Variants in FBXL7 observed in about 807,000 individuals in gnomAD.
FBXL7 encodes F-box/LRR-repeat protein 7.
A neutral mutation model predicts 38.3 loss-of-function variants in FBXL7; 12 were observed. The ratio of observed to expected loss-of-function variants is 0.31; its 90% CI spans 0.20 to 0.51. The LOEUF is 0.51. Ranked by LOEUF, FBXL7 falls within the 20% of genes least tolerant of loss-of-function variation. The probability of loss-of-function intolerance (pLI) is 0.98; values close to 1 mark genes in which losing one functional copy is unlikely to be tolerated. For missense variants in FBXL7, 567 were observed against 676.4 expected (o/e 0.84, Z 1.79); for synonymous variants, 297 against 300.9 (o/e 0.99, Z 0.13).
intron 1 of FBXL7, among the ~76,000 whole-genome samples, chr5:15,567,799 A>C (rs946560917): frequency 8.3e-5 from 12 of 144,564 alleles, no homozygotes; most frequent in Admixed American, 4.2e-4. Flanking sequence ...TCCTGTGTCC[A>C]TGTGTTCTCA....
intron 2 of FBXL7, among the ~76,000 whole-genome samples, chr5:15,672,958 G>A (rs1167441801): frequency 3.3e-5 from 5 of 151,970 alleles, no homozygotes; most frequent in Admixed American, 1.3e-4. Flanking sequence ...TTATTTGACC[G>A]TTCCACCAGA....
chr5:15,711,744 A>G (rs1743883296), intron 2 of FBXL7, among the ~76,000 whole-genome samples: 4 of 152,190 alleles, frequency 2.6e-5, no homozygotes, highest in Non-Finnish European at 1.5e-5. Flanking sequence ...AAAGATTGAA[A>G]TCCTGAAAGT....
chr5:15,721,135 G>C (rs1200853671), intron 2 of FBXL7, among the ~76,000 whole-genome samples: 3 of 152,114 alleles, frequency 2.0e-5, no homozygotes, highest in East Asian at 1.9e-4. Context: ...AAGGTATAAT[G>C]CTCATTCATA....
At chr5:15,901,812 T>C (rs1429841344) in intron 2 of FBXL7, among the ~76,000 whole-genome samples, 1 of 152,220 alleles carries the variant, frequency 6.6e-6, no homozygotes, top group African/African-American at 2.4e-5. Context: ...AGTTTTAATC[T>C]GGATATGATT....
chr5:15,859,302 A>G (rs1211231496), intron 2 of FBXL7, among the ~76,000 whole-genome samples: 1 of 152,176 alleles, frequency 6.6e-6, no homozygotes, highest in Admixed American at 6.5e-5. Context: ...AGTTGAGATA[A>G]GCATCAGAGA....
chr5:15,591,927 G>A (rs766281196), intron 1 of FBXL7, among the ~76,000 whole-genome samples: 4 of 152,118 alleles, frequency 2.6e-5, no homozygotes, highest in African/African-American at 9.7e-5. Flanking sequence ...GGCCAGGATG[G>A]TCTTGATCTC....
At chr5:15,524,378 A>G (rs1171321391) in intron 1 of FBXL7, among the ~76,000 whole-genome samples, 1 of 152,214 alleles carries the variant, frequency 6.6e-6, no homozygotes, top group Non-Finnish European at 1.5e-5. Flanking sequence ...TGAAGGGCTC[A>G]TTTCTATAAT....
chr5:15,564,378 C>CTGTGTG (rs33993480), intron 1 of FBXL7, among the ~76,000 whole-genome samples: 13,622 of 147,364 alleles, frequency 0.092, 672 homozygotes, highest in South Asian at 0.18. Flanking sequence ...TCAGTAATAT[C>CTGTGTG]TGTGTGTGTG....
At chr5:15,603,856 G>T (rs1295025572) in intron 1 of FBXL7, among the ~76,000 whole-genome samples, 1 of 152,178 alleles carries the variant, frequency 6.6e-6, no homozygotes, top group Non-Finnish European at 1.5e-5. Context: ...GACGTGTGGG[G>T]CCAGGTGTGG....
chr5:15,800,637 A>G (rs184007259), intron 2 of FBXL7, among the ~76,000 whole-genome samples: 9 of 152,340 alleles, frequency 5.9e-5, no homozygotes, highest in South Asian at 2.1e-4. Context: ...TAAAATGACA[A>G]CTCAATAAGG....
intron 1 of FBXL7, among the ~76,000 whole-genome samples, chr5:15,512,004 C>G (rs1181564738): frequency 1.3e-5 from 2 of 152,194 alleles, no homozygotes; most frequent in African/African-American, 4.8e-5. Flanking sequence ...AGCAGGGGCT[C>G]CCTCCTCTGC....
At chr5:15,839,524 T>C (rs576293155) in intron 2 of FBXL7, among the ~76,000 whole-genome samples, 12 of 152,264 alleles carry the variant, frequency 7.9e-5, no homozygotes, top group Non-Finnish European at 1.5e-4. Flanking sequence ...TTTTATTTTA[T>C]TCCAAACTTC....
intron 1 of FBXL7, among the ~76,000 whole-genome samples, chr5:15,512,796 A>G (rs368648863): frequency 1.3e-3 from 197 of 152,294 alleles, no homozygotes; most frequent in Middle Eastern, 6.8e-3. Flanking sequence ...AGAATCTACT[A>G]TGTATTTTTT....
rs74467024 is a variant in FBXL7 at position 15,596,276 on chromosome 5, T to C, written c.38-19707T>C. Among the ~76,000 whole-genome samples, 584 of 152,342 alleles carry C rather than the reference T, an allele frequency of 3.8e-3. 1 individual carries two copies. The highest frequency in any genetic ancestry group is 0.013 in the African/African-American group (544 of 41,580). On this transcript the variant is annotated intron_variant, in intron 1 of 3. Transcript: ENST00000504595. ...ATTCTGTCTTTAGATTAAAAAAGCA[T>C]GGTATAATTCATTTTTGTGTGGTAT...
intron 2 of FBXL7, among the ~76,000 whole-genome samples, chr5:15,716,767 T>C (rs1744053014): frequency 6.6e-6 from 1 of 152,236 alleles, no homozygotes; most frequent in Admixed American, 6.5e-5. Context: ...TGCTGGCTTA[T>C]TGATTGTTGA....
At chr5:15,866,690 G>A (rs568606263) in intron 2 of FBXL7, among the ~76,000 whole-genome samples, 6 of 119,874 alleles carry the variant, frequency 5.0e-5, no homozygotes, top group Non-Finnish European at 9.6e-5. Context: ...AAGACCTGGC[G>A]TGTGTTGTTC....
chr5:15,693,459 G>C (rs1743240464), intron 2 of FBXL7, among the ~76,000 whole-genome samples: 1 of 152,176 alleles, frequency 6.6e-6, no homozygotes, highest in Non-Finnish European at 1.5e-5. Context: ...GCTTCCCTGT[G>C]ATACAGGCGG....
chr5:15,767,952 A>C (rs571729676), intron 2 of FBXL7, among the ~76,000 whole-genome samples: 9 of 152,210 alleles, frequency 5.9e-5, no homozygotes, highest in Non-Finnish European at 1.3e-4. Context: ...TGTTTGCTTC[A>C]AGAAAAATTT....
At chr5:15,860,497 G>C (rs1428974726) in intron 2 of FBXL7, among the ~76,000 whole-genome samples, 1 of 152,170 alleles carries the variant, frequency 6.6e-6, no homozygotes, top group Non-Finnish European at 1.5e-5. Context: ...AAAAGTCCTA[G>C]TTGCACAGAT....
Sources: gnomAD v4.1 joint callset for allele counts (sites outside exome capture counted in the v4.1 genomes callset) on GRCh38, gnomAD v4.1.1 for gene constraint, MANE v1.5 for transcripts, NCBI Gene and HGNC (gene_info 2026-07-23, HGNC 2026-07-21) for gene names.